Variants in TUBB4B observed in about 807,000 individuals in gnomAD.
TUBB4B encodes tubulin beta-4B chain.
A neutral mutation model predicts 34.3 loss-of-function variants in TUBB4B; 7 were observed. That is an observed-to-expected ratio of 0.20 (90% confidence interval 0.12 to 0.38). The LOEUF is 0.38. Ranked by LOEUF, TUBB4B falls within the 10% of genes least tolerant of loss-of-function variation. The pLI is 1.00. For synonymous variants in TUBB4B, 390 were observed against 250.2 expected (o/e 1.56, Z -5.27); for missense variants, 178 against 610.9 (o/e 0.29, Z 7.47).
rs561276187 is a variant in TUBB4B, at chr9:137,243,627, C to T, written c.*71C>T. The T allele has an allele frequency of 2.4e-5, 39 of 1,613,344 alleles. 1 individual carries two copies. In the East Asian group the frequency reaches 4.2e-4, roughly 18 times the overall value. ...ATTCACTCCCAGCCTGTCCTGTGGC[C>T]TGTCCCACTGTGTGCACTTGCTGTT... On this transcript the variant is annotated 3_prime_UTR_variant, in exon 4 of 4. Transcript: ENST00000340384.
Position 137,241,421 on chromosome 9 carries a change from A to G in TUBB4B, c.57+4A>G, listed in dbSNP as rs1459214458. The G allele has an allele frequency of 1.9e-6, 3 of 1,586,794 alleles. No individual in the cohort carries two copies. Among genetic ancestry groups the G allele is most frequent in the South Asian group, 1.1e-5 (1 of 89,488 alleles). The stretch of plus-strand genomic sequence containing the variant: ...CGGCAACCAAATCGGCGCCAAGGTA[A>G]GTTGCCGGGGCGCTGGGGCCAGGCG... On this transcript the variant is annotated splice_donor_region_variant and intron_variant, in intron 1 of 3. Transcript: ENST00000340384.
In TUBB4B at chr9:137,243,505, A is replaced by G. The variant is rs373847039; in HGVS notation, c.1287A>G (p.Thr429=). The change falls in exon 4 of 4, where the codon ACA becomes ACG. Residue 429 remains threonine (T), a synonymous_variant. Transcript: ENST00000340384. ...AGTACCAGCAGTACCAGGATGCCAC[A>G]GCCGAGGAGGAGGGCGAGTTCGAGG... ...VSEYQQYQDA[T]AEEEGEFEEE... is the part of the protein sequence containing the mutation. The G allele has an allele frequency of 1.7e-4, 280 of 1,613,810 alleles. No individual in the cohort carries two copies. Among genetic ancestry groups the G allele is most frequent in the Non-Finnish European group, 2.3e-4 (275 of 1,180,040 alleles).
rs762880532 is a variant in TUBB4B at position 137,242,830 on chromosome 9, C to T, written c.612C>T (p.Asn204=). The T allele has an allele frequency of 1.6e-5, 26 of 1,613,680 alleles. No individual in the cohort carries two copies. Among genetic ancestry groups the T allele is most frequent in the Non-Finnish European group, 2.1e-5 (25 of 1,180,030 alleles). The stretch of plus-strand genomic sequence containing the variant: ...CAGACGAGACCTACTGCATTGATAA[C>T]GAAGCTCTCTACGACATTTGCTTCA... ...ENTDETYCID[N]EALYDICFRT... is the part of the protein sequence containing the mutation. The change falls in exon 4 of 4, where the codon AAC becomes AAT. Residue 204 remains asparagine (N), a synonymous_variant. Transcript: ENST00000340384.
rs1413262605 is a variant in TUBB4B, at chr9:137,243,580, A to AGG, written c.*26_*27dup. The AGG allele has an allele frequency of 1.2e-6, 2 of 1,613,600 alleles. No individual in the cohort carries two copies. The highest frequency in any genetic ancestry group is 2.2e-5 in the South Asian group (2 of 91,088). ...AGAGCCTTCAGTCACTGGGGAAAGC[A>AGG]GGGAAGCAGTGTGAACTCTTTATTC... On this transcript the variant is annotated 3_prime_UTR_variant, in exon 4 of 4. Transcript: ENST00000340384.
At chr9:137,242,187 C>T (rs1018223445) in intron 3 of TUBB4B, 166 bp downstream of exon 3, 3 of 735,914 alleles carry the variant, frequency 4.1e-6, no homozygotes, top group African/African-American at 3.6e-5. Flanking sequence ...AGCTGTCTGC[C>T]GAGGCGAGGA....
At chr9:137,241,633 G>A (rs1836745812) in intron 1 of TUBB4B, 88 bp from the exon 2 acceptor site, 3 of 902,340 alleles carry the variant, frequency 3.3e-6, no homozygotes, top group Non-Finnish European at 2.7e-6. Context: ...CCGGGCTGCC[G>A]CGCCCGTCCG....
rs529846051 is a variant in TUBB4B at position 137,243,657 on chromosome 9, C to G, written c.*101C>G. The stretch of plus-strand genomic sequence containing the variant: ...CCACTGTGTGCACTTGCTGTTTTCC[C>G]TGTCCACATCCATGCTGTACAGACA... On this transcript the variant is annotated 3_prime_UTR_variant, in exon 4 of 4. Transcript: ENST00000340384. The G allele has an allele frequency of 6.2e-7, 1 of 1,614,120 alleles. No individual in the cohort carries two copies. Among genetic ancestry groups the G allele is most frequent in the South Asian group, 1.1e-5 (1 of 91,080 alleles).
intron 3 of TUBB4B, chr9:137,242,229 C>T: frequency 1.5e-6 from 1 of 663,488 alleles, no homozygotes; most frequent in Non-Finnish European, 2.5e-6. Context: ...CTGCAGGGAG[C>T]TGAGCTGGGG....
In TUBB4B at chr9:137,242,910, C is replaced by T; in HGVS notation, c.692C>T (p.Ala231Val). 1 of 1,613,124 alleles carries T rather than the reference C, an allele frequency of 6.2e-7. No individual in the cohort carries two copies. The highest frequency in any genetic ancestry group is 1.1e-5 in the South Asian group (1 of 91,088). ...GGTGACCTGAACCACCTGGTGTCTG[C>T]TACCATGAGTGGGGTCACCACCTGC... ...TYGDLNHLVSATMSGVTTCLR... is the reference protein window; with the variant it reads ...TYGDLNHLVSVTMSGVTTCLR... The change falls in exon 4 of 4, where the codon GCT (alanine) becomes GTT (valine). Residue 231 changes from alanine (A) to valine (V), a missense_variant. Coordinates refer to ENST00000340384, the MANE Select transcript of TUBB4B (RefSeq NM_006088.6).
chr9:137,241,948 G>T lies in TUBB4B; in HGVS notation c.204G>T (p.Leu68=). 6.2e-7 allele frequency: 1 copy of T among 1,611,536 alleles called. No homozygotes were observed. Among genetic ancestry groups the T allele is most frequent in the Non-Finnish European group, 8.5e-7 (1 of 1,179,676 alleles). The change falls in exon 3 of 4, where the codon CTG becomes CTT. Residue 68 remains leucine, a synonymous_variant. Coordinates refer to ENST00000340384, the MANE Select transcript of TUBB4B (RefSeq NM_006088.6). Reference sequence around the variant, plus strand: ...TGCCCCGCGCCGTGCTCGTGGATCTGGAGCCCGGCACCATGGACTCCGTGC... The same window carrying T: ...TGCCCCGCGCCGTGCTCGTGGATCTTGAGCCCGGCACCATGGACTCCGTGC... ...KYVPRAVLVD[L]EPGTMDSVRS... is the part of the protein sequence containing the mutation.
intron 2 of TUBB4B, 28 bp from the exon 3 acceptor site, chr9:137,241,883 C>G (rs927266468): frequency 6.2e-7 from 1 of 1,611,358 alleles, no homozygotes; most frequent in Non-Finnish European, 8.5e-7. Context: ...CGGCCCCTGC[C>G]TTGGCTGACG....
In TUBB4B at chr9:137,241,318, T is replaced by C. The variant is rs533618264; in HGVS notation, c.-43T>C. On this transcript the variant is annotated 5_prime_UTR_variant, in exon 1 of 4. Coordinates refer to ENST00000340384, the MANE Select transcript of TUBB4B (RefSeq NM_006088.6). ...CTGCGCGCCCGCTCTTCTGCTGCTG[T>C]TTGTCTACTTCCTCCTGCTTCCCCG... is the stretch of plus-strand genomic sequence containing the variant. 1.4e-5 allele frequency: 22 copies of C among 1,581,162 alleles called. No homozygotes were observed. The African/African-American group carries it at 1.9e-4, about 14-fold the overall frequency.
In TUBB4B at chr9:137,242,036, G is replaced by A; in HGVS notation, c.277+15G>A. ...CTTCGTTTTCGGTGAGCCGTGGCTG[G>A]GGACTGGGCGGCGGCTCAAAGGTCA... On this transcript the variant is annotated intron_variant, in intron 3 of 3. Transcript: ENST00000340384. 6.2e-7 allele frequency: 1 copy of A among 1,608,590 alleles called. No homozygotes were observed.
chr9:137,241,514 GC>G, intron 1 of TUBB4B, 97 bp downstream of exon 1: 1 of 1,084,740 alleles, frequency 9.2e-7, no homozygotes, highest in Non-Finnish European at 1.1e-6. Flanking sequence ...CGGCGCCCCC[GC>G]ATTGCGGCCG....
chr9:137,243,626 C>G lies in TUBB4B; in HGVS notation c.*70C>G, dbSNP rs955854787. 6.2e-6 allele frequency: 10 copies of G among 1,613,218 alleles called. No homozygotes were observed. The Admixed American group carries it at 1.3e-4, about 22-fold the overall frequency. On this transcript the variant is annotated 3_prime_UTR_variant, in exon 4 of 4. Transcript: ENST00000340384. ...TATTCACTCCCAGCCTGTCCTGTGGCCTGTCCCACTGTGTGCACTTGCTGT... is the reference window on the plus strand; with the variant it reads ...TATTCACTCCCAGCCTGTCCTGTGGGCTGTCCCACTGTGTGCACTTGCTGT...
chr9:137,243,692 A>G lies in TUBB4B; in HGVS notation c.*136A>G, dbSNP rs752073406. 2.5e-6 allele frequency: 4 copies of G among 1,614,084 alleles called. No homozygotes were observed. In the South Asian group the frequency reaches 4.4e-5, roughly 18 times the overall value. ...CCATGCTGTACAGACACCACCATTA[A>G]AGCATTTTCATAGTGTGTGGTTTCG... On this transcript the variant is annotated 3_prime_UTR_variant, in exon 4 of 4. Coordinates refer to ENST00000340384, the MANE Select transcript of TUBB4B (RefSeq NM_006088.6).
chr9:137,243,225 A>G lies in TUBB4B; in HGVS notation c.1007A>G (p.Lys336Arg). ...VDEQMLNVQN[K>R]NSSYFVEWIP... Reference sequence around the variant, plus strand: ...GAGCAAATGCTTAATGTCCAAAACAAAAACAGCAGCTATTTTGTTGAGTGG... The same window carrying G: ...GAGCAAATGCTTAATGTCCAAAACAGAAACAGCAGCTATTTTGTTGAGTGG... The change falls in exon 4 of 4, where the codon AAA becomes AGA. Residue 336 changes from lysine (K) to arginine (R), a missense_variant. Transcript: ENST00000340384. The G allele has an allele frequency of 6.2e-7, 1 of 1,613,352 alleles. No homozygotes were observed. The highest frequency in any genetic ancestry group is 8.5e-7 in the Non-Finnish European group (1 of 1,180,014).
chr9:137,243,650 G>GT lies in TUBB4B; in HGVS notation c.*98dup. 3 of 1,614,050 alleles carry GT rather than the reference G, an allele frequency of 1.9e-6. No individual in the cohort carries two copies. Among genetic ancestry groups the GT allele is most frequent in the Non-Finnish European group, 2.5e-6 (3 of 1,179,990 alleles). On this transcript the variant is annotated 3_prime_UTR_variant, in exon 4 of 4. Transcript: ENST00000340384. ...GCCTGTCCCACTGTGTGCACTTGCT[G>GT]TTTTCCCTGTCCACATCCATGCTGT...
At chr9:137,242,460 C>T (rs376642181) in intron 3 of TUBB4B, 36 bp from the exon 4 acceptor site, 68 of 1,597,558 alleles carry the variant, frequency 4.3e-5, no homozygotes, top group South Asian at 2.7e-4. Flanking sequence ...GTGCTGTCTA[C>T]CTGGCTGACA....
Sources: allele counts gnomAD v4.1 joint callset, GRCh38; gene constraint gnomAD v4.1.1; transcripts MANE v1.5; gene names NCBI Gene and HGNC (gene_info 2026-07-23, HGNC 2026-07-21).